GLRA1: variants seen among roughly 807,000 people sequenced by gnomAD.
GLRA1 encodes the protein glycine receptor alpha 1, also known as glycine receptor subunit alpha-1.
Under a neutral mutation model 48.3 loss-of-function variants are expected in GLRA1, and 37 were observed. That is an observed-to-expected ratio of 0.77 (90% CI 0.59 to 1.01). The LOEUF (loss-of-function observed/expected upper bound fraction) is 1.01. Among genes scored for constraint, GLRA1 ranks in the 50% least tolerant of loss-of-function variants. The pLI is 0.00. For missense variants in GLRA1, 427 were observed against 571.0 expected, an observed-to-expected ratio of 0.75 and a Z score of 2.57; for synonymous variants, 196 against 210.7, an observed-to-expected ratio of 0.93 and a Z score of 0.60.
At chr5:151,868,796 G>A (rs1398376910) in intron 3 of GLRA1, among the ~76,000 whole-genome samples, 1 of 152,198 alleles carries the variant, frequency 6.6e-6, no homozygotes, top group Non-Finnish European at 1.5e-5. Context: ...TTGATCTGCT[G>A]TCTGCTCTAT....
chr5:151,884,847 A>C (rs76590518), intron 3 of GLRA1, among the ~76,000 whole-genome samples: 1 of 152,360 alleles, frequency 6.6e-6, no homozygotes, highest in East Asian at 1.9e-4. Context: ...GATTATGATT[A>C]ATACAAATGT....
chr5:151,913,350 G>A (rs1367966992), intron 1 of GLRA1, among the ~76,000 whole-genome samples: 1 of 152,186 alleles, frequency 6.6e-6, no homozygotes, highest in Non-Finnish European at 1.5e-5. Context: ...TGAGGGGGAA[G>A]TTTTCCAGAT....
Position 151,912,944 on chromosome 5 carries a change from A to C in GLRA1, c.56+11550T>G, listed in dbSNP as rs372254612. Among the ~76,000 whole-genome samples, 87 of 152,344 alleles carry C rather than the reference A, an allele frequency of 5.7e-4. 1 individual carries two copies. The East Asian group carries it at 0.013, about 24-fold the overall frequency. ...CCCAAATGTATGTAAGGTCCCTTTA[A>C]ACAAACTGAGTGCTAAGGATAATGC... On this transcript the variant is annotated intron_variant, in intron 1 of 8. Coordinates refer to ENST00000274576, the MANE Select transcript of GLRA1 (RefSeq NM_000171.4).
rs114392701 is a variant in GLRA1, at chr5:151,912,913, G to A, written c.56+11581C>T. Among the ~76,000 whole-genome samples, 1,267 of 152,272 alleles carry A rather than the reference G, an allele frequency of 8.3e-3. 22 individuals are homozygous for A. The highest frequency in any genetic ancestry group is 0.029 in the African/African-American group (1,195 of 41,526). On this transcript the variant is annotated intron_variant, in intron 1 of 8. Transcript: ENST00000274576. ...CTTACAATCCAACAGGAAAGCTAGAGGGACACCCAAATGTATGTAAGGTCC... is the reference window on the plus strand; with the variant it reads ...CTTACAATCCAACAGGAAAGCTAGAAGGACACCCAAATGTATGTAAGGTCC...
intron 3 of GLRA1, among the ~76,000 whole-genome samples, chr5:151,861,238 A>G (rs1270508135): frequency 6.6e-6 from 1 of 152,196 alleles, no homozygotes; most frequent in Non-Finnish European, 1.5e-5. Context: ...TTGGGTATAT[A>G]CCCAGTAATG....
In GLRA1 at chr5:151,828,860, GCTTAGAACT is replaced by G; in HGVS notation, c.1059+52_1059+60del. On this transcript the variant is annotated intron_variant, in intron 8 of 8. Transcript: ENST00000274576. Reference sequence around the variant, plus strand: ...GAAACAAATAACACAAGACAATACTGCTTAGAACTCTTTTGTTTACTAACAGCTGTCCCT... The same window carrying G: ...GAAACAAATAACACAAGACAATACTGCTTTTGTTTACTAACAGCTGTCCCT... 2.0e-6 allele frequency: 3 copies of G among 1,512,892 alleles called. No individual in the cohort carries two copies. The East Asian group carries it at 6.8e-5, about 34-fold the overall frequency. The allele number at this position is 1,512,892 out of a possible 1,614,324, so 93.7% of individuals were successfully genotyped here.
At position 151,889,167 on chromosome 5, in the gene GLRA1, G is replaced by T. The variant is rs17112328; in HGVS notation, c.185-2379C>A. Among the ~76,000 whole-genome samples the T allele has an allele frequency of 4.5e-3, 680 of 152,286 alleles. 6 individuals are homozygous for T. The highest frequency in any genetic ancestry group is 0.015 in the African/African-American group (629 of 41,562). Reference sequence around the variant, plus strand: ...ACTGGCCAAAAGGATCCTATGGGAAGGTGCGGTTCATTGAAATAAATCTGA... The same window carrying T: ...ACTGGCCAAAAGGATCCTATGGGAATGTGCGGTTCATTGAAATAAATCTGA... On this transcript the variant is annotated intron_variant, in intron 2 of 8. Coordinates refer to ENST00000274576, the MANE Select transcript of GLRA1 (RefSeq NM_000171.4).
At chr5:151,862,782 G>A (rs188606895) in intron 3 of GLRA1, among the ~76,000 whole-genome samples, 47 of 152,316 alleles carry the variant, frequency 3.1e-4, no homozygotes, top group Admixed American at 1.6e-3. Context: ...TGCATGGTGA[G>A]TATCTTCTAT....
chr5:151,860,726 GT>G (rs58449461), intron 3 of GLRA1, among the ~76,000 whole-genome samples: 67,777 of 151,580 alleles, frequency 0.45, 15,570 homozygotes, highest in African/African-American at 0.56. Context: ...CTAGCTTCTT[GT>G]TTTTTTTTAT....
At chr5:151,834,872 C>T (rs575322965) in intron 7 of GLRA1, among the ~76,000 whole-genome samples, 1 of 150,864 alleles carries the variant, frequency 6.6e-6, no homozygotes, top group East Asian at 2.0e-4. Context: ...CTAAAAAATA[C>T]AAAAAATTAG....
chr5:151,849,247 T>C (rs1020273729), intron 7 of GLRA1, among the ~76,000 whole-genome samples: 1,197 of 93,010 alleles, frequency 0.013, 81 homozygotes, highest in African/African-American at 0.057. Context: ...CCTTCCTTCC[T>C]TCCCTTCTTT....
chr5:151,848,695 CT>C (rs961378578), intron 7 of GLRA1, among the ~76,000 whole-genome samples: 8 of 152,216 alleles, frequency 5.3e-5, no homozygotes, highest in African/African-American at 1.4e-4. Flanking sequence ...TTCTTTCCCC[CT>C]GATGAGCTAG....
At chr5:151,918,888 G>A (rs991738) in intron 1 of GLRA1, among the ~76,000 whole-genome samples, 70,332 of 151,694 alleles carry the variant, frequency 0.46, 16,502 homozygotes, top group East Asian at 0.56. Context: ...TTGTAAGAGT[G>A]CATTAAAAAA....
chr5:151,853,513 C>T (rs527889117), intron 6 of GLRA1, among the ~76,000 whole-genome samples: 359 of 152,016 alleles, frequency 2.4e-3, no homozygotes, highest in Middle Eastern at 0.01. Flanking sequence ...GCCTTGACCT[C>T]CCAAAGTGCT....
At chr5:151,864,688 T>A (rs1753287484) in intron 3 of GLRA1, among the ~76,000 whole-genome samples, 1 of 152,178 alleles carries the variant, frequency 6.6e-6, no homozygotes, top group South Asian at 2.1e-4. Flanking sequence ...TCCTTTTTGA[T>A]CTCCTAGCAA....
chr5:151,874,719 G>C (rs536832809), intron 3 of GLRA1, among the ~76,000 whole-genome samples: 1 of 152,130 alleles, frequency 6.6e-6, no homozygotes, highest in Admixed American at 6.5e-5. Flanking sequence ...TTTTAGGTAG[G>C]GGGGTGGAGA....
Position 151,849,209 on chromosome 5 carries a change from C to T in GLRA1, c.912+2181G>A, listed in dbSNP as rs1245834143. The stretch of plus-strand genomic sequence containing the variant: ...TTTCTTTTCTTTCTTTTCTTTCTTT[C>T]CTTCCTTTCTTCCTTCCTTCCTTCC... On this transcript the variant is annotated intron_variant, in intron 7 of 8. Coordinates refer to ENST00000274576, the MANE Select transcript of GLRA1 (RefSeq NM_000171.4). The T allele has an allele frequency of 5.6e-4, 47 of 83,682 alleles. 1 individual carries two copies. The highest frequency in any genetic ancestry group is 9.6e-4 in the East Asian group (4 of 4,172). 5.2% of individuals were successfully genotyped at this position (83,682 alleles called of 1,614,324 possible).
intron 1 of GLRA1, among the ~76,000 whole-genome samples, chr5:151,922,098 C>T (rs1325536933): frequency 1.3e-5 from 2 of 152,180 alleles, no homozygotes; most frequent in East Asian, 3.8e-4. Context: ...TCCTAGCCCC[C>T]GATTTCCCCA....
At chr5:151,867,579 G>C (rs1199060458) in intron 3 of GLRA1, among the ~76,000 whole-genome samples, 1 of 152,098 alleles carries the variant, frequency 6.6e-6, no homozygotes, top group African/African-American at 2.4e-5. Context: ...CTATACAACA[G>C]GCATTATGTC....
Sources: allele counts gnomAD v4.1 joint callset (sites outside exome capture counted in the v4.1 genomes callset), GRCh38; gene constraint gnomAD v4.1.1; transcripts MANE v1.5; gene names NCBI Gene and HGNC (gene_info 2026-07-23, HGNC 2026-07-21).